The following ANKRD49 variants were observed in gnomAD, a reference collection of about 807,000 sequenced individuals.
The protein encoded by ANKRD49 is ankyrin repeat domain 49.
Under a neutral mutation model 19.6 loss-of-function variants are expected in ANKRD49, and 18 were observed. The ratio of observed to expected loss-of-function variants is 0.92; its 90% confidence interval spans 0.63 to 1.36. The LOEUF is 1.36. Ranked by LOEUF, ANKRD49 falls within the 40% of genes most tolerant of loss-of-function variation. The pLI, the probability that ANKRD49 is intolerant of heterozygous loss-of-function variation, is 0.00. For synonymous variants in ANKRD49, 88 were observed against 101.8 expected (o/e 0.86, Z 0.82); for missense variants, 218 against 281.6 (o/e 0.77, Z 1.62).
chr11:94,498,594 C>A lies in ANKRD49; in HGVS notation c.*62C>A. On this transcript the variant is annotated 3_prime_UTR_variant, in exon 3 of 3. Transcript: ENST00000544612. The stretch of plus-strand genomic sequence containing the variant: ...TGCCTCCTGTGTGTGAGATGTATTC[C>A]CATAATCAAAGTTGACGTCAAACAT... 7.2e-7 allele frequency: 1 copy of A among 1,383,024 alleles called. No homozygotes were observed. 85.7% of individuals were successfully genotyped at this position (1,383,024 alleles called of 1,614,324 possible).
chr11:94,494,057 C>G (rs1182101228), intron 1 of ANKRD49, 22 bp downstream of exon 1: 9 of 152,444 alleles, frequency 5.9e-5, no homozygotes, highest in South Asian at 2.1e-4. Flanking sequence ...TTCCCTGTCC[C>G]GGACCTCGCT....
chr11:94,495,988 A>G (rs185473892), intron 1 of ANKRD49, among the ~76,000 whole-genome samples: 2 of 152,348 alleles, frequency 1.3e-5, no homozygotes, highest in African/African-American at 4.8e-5. Context: ...AGTTGAAAAC[A>G]AGGACCCAAC....
intron 2 of ANKRD49, chr11:94,497,166 A>G: frequency 5.0e-6 from 3 of 604,714 alleles, no homozygotes; most frequent in Non-Finnish European, 5.8e-6. Context: ...ATAGCAAGCA[A>G]TCATCTATAT....
Position 94,498,320 on chromosome 11 carries a change from C to T in ANKRD49, c.508C>T (p.Gln170Ter). 6.2e-7 allele frequency: 1 copy of T among 1,614,038 alleles called. No individual in the cohort carries two copies. The highest frequency in any genetic ancestry group is 1.1e-5 in the South Asian group (1 of 91,066). ...LLQHDADINA[Q>*]TKGLLTPLHL... ...GCAGCATGATGCAGATATCAATGCC[C>T]AAACAAAAGGCCTCTTGACCCCCTT... The change falls in exon 3 of 3, where the codon CAA (glutamine) becomes TAA (stop). Residue 170 changes from glutamine to a stop codon, truncating the protein, a stop_gained. Transcript: ENST00000544612. LOFTEE classifies it high-confidence loss of function.
chr11:94,496,132 G>T (rs1433668097), intron 1 of ANKRD49, among the ~76,000 whole-genome samples: 1 of 152,174 alleles, frequency 6.6e-6, no homozygotes, highest in Non-Finnish European at 1.5e-5. Context: ...ACCGATGACA[G>T]ATTGGAACAG....
Position 94,498,697 on chromosome 11 carries a change from T to G in ANKRD49, c.*165T>G. On this transcript the variant is annotated 3_prime_UTR_variant, in exon 3 of 3. Coordinates refer to ENST00000544612, the MANE Select transcript of ANKRD49 (RefSeq NM_017704.3). ...CCTGACTTTGATGTCAAAATGTATT[T>G]GAAAGTAATTTGCATATATCTTTAA... The G allele has an allele frequency of 1.6e-6, 1 of 636,902 alleles. No individual in the cohort carries two copies. Among genetic ancestry groups the G allele is most frequent in the Non-Finnish European group, 2.7e-6 (1 of 369,660 alleles). 39.5% of individuals were successfully genotyped at this position (636,902 alleles called of 1,614,324 possible).
intron 1 of ANKRD49, among the ~76,000 whole-genome samples, chr11:94,495,313 T>C (rs536719205): frequency 6.6e-6 from 1 of 152,302 alleles, no homozygotes; most frequent in East Asian, 1.9e-4. Context: ...TTTAATTAAA[T>C]GTAATGCTAC....
Position 94,498,522 on chromosome 11 carries a change from C to T in ANKRD49, c.710C>T (p.Pro237Leu). The change falls in exon 3 of 3, where the codon CCT (proline) becomes CTT (leucine). Residue 237 changes from proline to leucine, a missense_variant. Pro to Leu is a moderately conservative substitution (Grantham distance 98). Coordinates refer to ENST00000544612, the MANE Select transcript of ANKRD49 (RefSeq NM_017704.3). ...EIVEGCTNSS[P>L]QS is the part of the protein sequence containing the mutation. Reference sequence around the variant, plus strand: ...GTGGAAGGCTGTACAAATTCTTCACCTCAGTCTTAACAATTCTAGTAATTT... The same window carrying T: ...GTGGAAGGCTGTACAAATTCTTCACTTCAGTCTTAACAATTCTAGTAATTT... 1 of 1,611,028 alleles carries T rather than the reference C, an allele frequency of 6.2e-7. No individual in the cohort carries two copies.
chr11:94,495,769 T>C lies in ANKRD49; in HGVS notation c.-90-835T>C, dbSNP rs557047704. Among the ~76,000 whole-genome samples the C allele has an allele frequency of 2.6e-5, 4 of 152,306 alleles. 1 individual carries two copies. Among genetic ancestry groups the C allele is most frequent in the African/African-American group, 4.8e-5 (2 of 41,576 alleles). ...GAATTATGAACCTCCTGTATACTCA[T>C]GGTTTCTAGACAAGGTCTTGTAGTA... On this transcript the variant is annotated intron_variant, in intron 1 of 2. Transcript: ENST00000544612.
intron 1 of ANKRD49, among the ~76,000 whole-genome samples, chr11:94,494,779 TGAAAG>T (rs1947386509): frequency 6.6e-6 from 1 of 152,180 alleles, no homozygotes; most frequent in African/African-American, 2.4e-5. Flanking sequence ...GAGTTTTTAT[TGAAAG>T]GAAAAGCATG....
chr11:94,497,504 C>T (rs1174037735), intron 2 of ANKRD49: 2 of 158,212 alleles, frequency 1.3e-5, no homozygotes, highest in Admixed American at 1.3e-4. Flanking sequence ...GCTTTTTAAC[C>T]CAAGAGCATG....
In ANKRD49 at chr11:94,496,789, A is replaced by G; in HGVS notation, c.96A>G (p.Thr32=). 1 of 1,614,100 alleles carries G rather than the reference A, an allele frequency of 6.2e-7. No individual in the cohort carries two copies. Among genetic ancestry groups the G allele is most frequent in the Non-Finnish European group, 8.5e-7 (1 of 1,179,970 alleles). The change falls in exon 2 of 3, where the codon ACA becomes ACG. Residue 32 remains threonine (T), a synonymous_variant. Coordinates refer to ENST00000544612, the MANE Select transcript of ANKRD49 (RefSeq NM_017704.3). The part of the protein sequence containing the change: ...EHFNQLELLE[T]HGHLIPTGTQ... ...TTAACCAACTTGAATTGTTGGAAACACATGGACACCTTATTCCTACTGGTA... is the reference window on the plus strand; with the variant it reads ...TTAACCAACTTGAATTGTTGGAAACGCATGGACACCTTATTCCTACTGGTA...
chr11:94,497,917 C>A (rs1947439567), intron 2 of ANKRD49, 154 bp from the exon 3 acceptor site: 2 of 621,166 alleles, frequency 3.2e-6, no homozygotes, highest in African/African-American at 1.9e-5. Flanking sequence ...CTCTCCTCCC[C>A]AAAAAGAGAT....
intron 1 of ANKRD49, among the ~76,000 whole-genome samples, chr11:94,494,458 G>A (rs1479500146): frequency 6.6e-6 from 1 of 152,152 alleles, no homozygotes; most frequent in African/African-American, 2.4e-5. Flanking sequence ...TTGATCTAGG[G>A]CAAGTTGTTT....
chr11:94,497,816 G>A (rs1947437205), intron 2 of ANKRD49: 2 of 407,794 alleles, frequency 4.9e-6, no homozygotes, highest in Non-Finnish European at 4.4e-6. Flanking sequence ...TGGACCAGGA[G>A]TAAATGTATG....
intron 1 of ANKRD49, among the ~76,000 whole-genome samples, chr11:94,494,505 A>G (rs371292879): frequency 4.6e-5 from 7 of 152,188 alleles, no homozygotes; most frequent in African/African-American, 1.7e-4. Context: ...TAAGGTTTAT[A>G]GCCCCGCCTA....
In ANKRD49 at chr11:94,499,532, A is replaced by T. The variant is rs1276355490; in HGVS notation, c.*1000A>T. The stretch of plus-strand genomic sequence containing the variant: ...AACACTGTGGATAATGACAAAAAGC[A>T]TAAGTAAAAATATTTGAGAAAAATA... On this transcript the variant is annotated 3_prime_UTR_variant, in exon 3 of 3. Coordinates refer to ENST00000544612, the MANE Select transcript of ANKRD49 (RefSeq NM_017704.3). The T allele has an allele frequency of 1.3e-5, 2 of 152,234 alleles. No individual in the cohort carries two copies. Among genetic ancestry groups the T allele is most frequent in the Non-Finnish European group, 2.9e-5 (2 of 68,024 alleles). The allele number at this position is 152,234 out of a possible 1,614,324, so 9.4% of individuals were successfully genotyped here.
rs761471956 is a variant in ANKRD49, at chr11:94,498,366, G to A, written c.554G>A (p.Arg185Lys). The A allele has an allele frequency of 5.0e-6, 8 of 1,613,280 alleles. No individual in the cohort carries two copies. Among genetic ancestry groups the A allele is most frequent in the Non-Finnish European group, 6.8e-6 (8 of 1,179,920 alleles). Residue 185 changes from arginine to lysine, a missense_variant, in exon 3 of 3, where the codon AGA (arginine) becomes AAA (lysine). Transcript: ENST00000544612. ...CCCTTGCATCTTGCTGCTGGGAACAGAGACAGCAAGGATACCCTAGAACTC... is the reference window on the plus strand; with the variant it reads ...CCCTTGCATCTTGCTGCTGGGAACAAAGACAGCAAGGATACCCTAGAACTC... ...LTPLHLAAGN[R>K]DSKDTLELLL...
intron 2 of ANKRD49, chr11:94,497,690 G>C (rs1204064204): frequency 5.5e-6 from 1 of 182,642 alleles, no homozygotes; most frequent in Non-Finnish European, 1.1e-5. Context: ...ATATTGGTGT[G>C]ATAATCCTAC....
Sources: gnomAD v4.1 joint callset for allele counts (sites outside exome capture counted in the v4.1 genomes callset) on GRCh38, gnomAD v4.1.1 for gene constraint, MANE v1.5 for transcripts, NCBI Gene and HGNC (gene_info 2026-07-23, HGNC 2026-07-21) for gene names.